PDE4B: variants seen among roughly 807,000 people sequenced by gnomAD.
PDE4B encodes the protein phosphodiesterase 4B.
In PDE4B, 20 loss-of-function variants were observed where a neutral mutation model predicts 82.2. The ratio of observed to expected loss-of-function variants is 0.24; its 90% CI spans 0.17 to 0.35. The LOEUF (loss-of-function observed/expected upper bound fraction) is 0.35, where lower values mean the gene tolerates loss of function less well. PDE4B is among the 10% of genes least tolerant of loss of function. PDE4B has a pLI of 1.00. For synonymous variants in PDE4B, 320 were observed against 318.9 expected (o/e 1.00, Z -0.04); for missense variants, 655 against 907.2 (o/e 0.72, Z 3.57).
intron 3 of PDE4B, among the ~76,000 whole-genome samples, chr1:66,191,989 G>A (rs1647851821): frequency 6.6e-6 from 1 of 152,092 alleles, no homozygotes; most frequent in Non-Finnish European, 1.5e-5. Context: ...AATTATGGGA[G>A]CTACAATTCA....
At chr1:66,295,443 G>GTTTT (rs766016162) in intron 7 of PDE4B, among the ~76,000 whole-genome samples, 17 of 151,618 alleles carry the variant, frequency 1.1e-4, no homozygotes, top group Non-Finnish European at 1.8e-4. Flanking sequence ...GTTTTGTTTT[G>GTTTT]TTTTTTGTTT....
chr1:66,313,215 C>T (rs1007294270), intron 7 of PDE4B, among the ~76,000 whole-genome samples: 5 of 152,182 alleles, frequency 3.3e-5, no homozygotes, highest in South Asian at 2.1e-4. Context: ...CCTTTAAAAC[C>T]GTGCCAATGC....
At chr1:66,302,602 A>G (rs1657976069) in intron 7 of PDE4B, among the ~76,000 whole-genome samples, 1 of 152,160 alleles carries the variant, frequency 6.6e-6, no homozygotes, top group Non-Finnish European at 1.5e-5. Context: ...AAAGTCCTGC[A>G]AGGGCTGGTA....
rs533700782 is a variant in PDE4B at position 66,342,697 on chromosome 1, T to G, written c.747+10077T>G. 5.0e-4 allele frequency among the ~76,000 whole-genome samples: 72 copies of G among 143,272 alleles called. No homozygotes were observed. The East Asian group carries it at 0.014, about 28-fold the overall frequency. The allele number at this position is 143,272 out of a possible 152,430, so 94.0% of individuals were successfully genotyped here. On this transcript the variant is annotated intron_variant, in intron 8 of 16. Coordinates refer to ENST00000341517, the MANE Select transcript of PDE4B (RefSeq NM_002600.4). Reference sequence around the variant, plus strand: ...TGAGCTAAGATCACATCCACTGAACTCCAGCCTGGGCAACAAGAGTGAAAC... The same window carrying G: ...TGAGCTAAGATCACATCCACTGAACGCCAGCCTGGGCAACAAGAGTGAAAC...
chr1:66,245,839 T>G (rs915916755), intron 3 of PDE4B, among the ~76,000 whole-genome samples: 20 of 152,242 alleles, frequency 1.3e-4, no homozygotes, highest in African/African-American at 4.6e-4. Flanking sequence ...TAAAAGCAGC[T>G]TCTGTGAATG....
chr1:66,258,449 C>G (rs1220187164), intron 6 of PDE4B, among the ~76,000 whole-genome samples: 1 of 152,172 alleles, frequency 6.6e-6, no homozygotes, highest in African/African-American at 2.4e-5. Context: ...CTTGCAGTAA[C>G]ACTTTCTCCA....
At chr1:66,029,885 A>T (rs140923918) in intron 3 of PDE4B, among the ~76,000 whole-genome samples, 482 of 152,326 alleles carry the variant, frequency 3.2e-3, no homozygotes, top group African/African-American at 0.01. Flanking sequence ...TCTTTGCTAG[A>T]TATACAAAGG....
At chr1:66,160,912 C>T (rs1646599170) in intron 3 of PDE4B, among the ~76,000 whole-genome samples, 1 of 152,218 alleles carries the variant, frequency 6.6e-6, no homozygotes, top group South Asian at 2.1e-4. Context: ...AGCCCTCCAG[C>T]AATAACTCTA....
intron 1 of PDE4B, among the ~76,000 whole-genome samples, chr1:65,896,545 C>G (rs1358456473): frequency 2.6e-5 from 4 of 152,136 alleles, no homozygotes; most frequent in African/African-American, 9.7e-5. Context: ...CAAAATCTTT[C>G]TGTGATCCAG....
intron 3 of PDE4B, among the ~76,000 whole-genome samples, chr1:65,945,004 G>C (rs971476280): frequency 6.6e-6 from 1 of 151,996 alleles, no homozygotes; most frequent in Non-Finnish European, 1.5e-5. Flanking sequence ...AGTTAAGGCT[G>C]CTGCTAAATC....
intron 3 of PDE4B, among the ~76,000 whole-genome samples, chr1:66,126,687 A>G (rs142777001): frequency 0.01 from 1,598 of 152,330 alleles, 33 homozygotes; most frequent in African/African-American, 0.037. Context: ...TAATAGTTGC[A>G]GGCAAGATCC....
intron 1 of PDE4B, among the ~76,000 whole-genome samples, chr1:65,884,089 G>A (rs1041927037): frequency 4.6e-5 from 7 of 152,134 alleles, no homozygotes; most frequent in African/African-American, 1.7e-4. Context: ...TTGCATCAAT[G>A]TTCATCAAGG....
At chr1:65,985,542 C>T (rs1650911383) in intron 3 of PDE4B, among the ~76,000 whole-genome samples, 1 of 152,022 alleles carries the variant, frequency 6.6e-6, no homozygotes, top group Non-Finnish European at 1.5e-5. Context: ...ACAGCTATGT[C>T]CTTAATATTT....
In PDE4B at chr1:66,106,441, T is replaced by C. The variant is rs1283271131; in HGVS notation, c.282-141019T>C. Reference sequence around the variant, plus strand: ...CTGCCAGGCTTTGGTATCAGGATGATGCTGGCCTCATAAAATGAGTTAGGG... The same window carrying C: ...CTGCCAGGCTTTGGTATCAGGATGACGCTGGCCTCATAAAATGAGTTAGGG... On this transcript the variant is annotated intron_variant, in intron 3 of 16. Coordinates refer to ENST00000341517, the MANE Select transcript of PDE4B (RefSeq NM_002600.4). Among the ~76,000 whole-genome samples, 8 of 152,258 alleles carry C rather than the reference T, an allele frequency of 5.3e-5. No homozygotes were observed. The East Asian group carries it at 1.5e-3, about 29-fold the overall frequency.
At chr1:66,285,727 C>T (rs1656630798) in intron 7 of PDE4B, among the ~76,000 whole-genome samples, 1 of 151,814 alleles carries the variant, frequency 6.6e-6, no homozygotes, top group South Asian at 2.1e-4. Flanking sequence ...CTTAGCTGAT[C>T]CTGACTCAAG....
At position 66,345,022 on chromosome 1, in the gene PDE4B, T is replaced by C. The variant is rs187689600; in HGVS notation, c.748-10505T>C. On this transcript the variant is annotated intron_variant, in intron 8 of 16. Coordinates refer to ENST00000341517, the MANE Select transcript of PDE4B (RefSeq NM_002600.4). The stretch of plus-strand genomic sequence containing the variant: ...AATGTAGCATGGTAATAAAACATAT[T>C]TGAAGCATCCCTTCCTGCATACACA... 3.4e-3 allele frequency among the ~76,000 whole-genome samples: 520 copies of C among 152,314 alleles called. 2 individuals carry two copies. The highest frequency in any genetic ancestry group is 5.0e-3 in the Non-Finnish European group (342 of 68,022).
chr1:65,911,702 T>C, intron 1 of PDE4B, among the ~76,000 whole-genome samples: 1 of 152,172 alleles, frequency 6.6e-6, no homozygotes, highest in African/African-American at 2.4e-5. Flanking sequence ...CTAATCATTC[T>C]TTGGTGTATG....
intron 3 of PDE4B, among the ~76,000 whole-genome samples, chr1:66,192,654 G>A (rs1271207642): frequency 6.6e-6 from 1 of 152,144 alleles, no homozygotes; most frequent in Non-Finnish European, 1.5e-5. Context: ...TTTTGACAAT[G>A]GAGACATGGC....
intron 1 of PDE4B, among the ~76,000 whole-genome samples, chr1:65,876,485 T>C (rs998417673): frequency 6.6e-6 from 1 of 152,100 alleles, no homozygotes; most frequent in Non-Finnish European, 1.5e-5. Flanking sequence ...GAGTTAAATT[T>C]GTTAAATTAG....
Sources: gnomAD v4.1 joint callset for allele counts (sites outside exome capture counted in the v4.1 genomes callset) on GRCh38, gnomAD v4.1.1 for gene constraint, MANE v1.5 for transcripts, NCBI Gene and HGNC (gene_info 2026-07-23, HGNC 2026-07-21) for gene names.